NGLY1: variants seen among roughly 807,000 people sequenced by gnomAD.
The protein encoded by NGLY1 is N-glycanase 1, also known as peptide-N(4)-(N-acetyl-beta-glucosaminyl)asparagine amidase.
NGLY1 carries 68 observed loss-of-function variants against 84.6 expected under a neutral mutation model. The observed-to-expected ratio is 0.80, with a 90% confidence interval of 0.66 to 0.98. The LOEUF is 0.98. Ranked by LOEUF, NGLY1 falls within the 50% of genes least tolerant of loss-of-function variation. The pLI, the probability that NGLY1 is intolerant of heterozygous loss-of-function variation, is 0.00. For missense variants in NGLY1, 779 were observed against 770.2 expected (o/e 1.01, Z -0.14); for synonymous variants, 280 against 275.2 (o/e 1.02, Z -0.17).
intron 2 of NGLY1, among the ~76,000 whole-genome samples, chr3:25,767,031 C>T (rs914480501): frequency 8.5e-5 from 13 of 152,198 alleles, no homozygotes; most frequent in African/African-American, 3.1e-4. Flanking sequence ...CAGTGGCTCA[C>T]GCCTGTAATC....
intron 2 of NGLY1, among the ~76,000 whole-genome samples, chr3:25,774,780 TGTATCTGCA>T (rs1479609260): frequency 2.0e-5 from 3 of 152,030 alleles, no homozygotes; most frequent in African/African-American, 4.8e-5. Flanking sequence ...CTTCTGTGCT[TGTATCTGCA>T]GTATCTGCAT....
intron 2 of NGLY1, among the ~76,000 whole-genome samples, chr3:25,775,200 C>G (rs888181362): frequency 1.3e-5 from 2 of 152,184 alleles, no homozygotes; most frequent in Admixed American, 1.3e-4. Flanking sequence ...GTATGTTCCT[C>G]TAGTATTTCT....
intron 2 of NGLY1, among the ~76,000 whole-genome samples, chr3:25,775,118 CCT>C (rs1708094602): frequency 1.3e-5 from 2 of 152,246 alleles, no homozygotes; most frequent in South Asian, 4.1e-4. Flanking sequence ...CACAGGTTTT[CCT>C]CTGTCTCATG....
intron 4 of NGLY1, among the ~76,000 whole-genome samples, chr3:25,741,137 A>G (rs1706118864): frequency 6.9e-6 from 1 of 144,906 alleles, no homozygotes; most frequent in South Asian, 2.1e-4. Context: ...CATTAAAAAA[A>G]AAAAAAAAAA....
At chr3:25,741,872 G>A (rs1226106108) in intron 4 of NGLY1, among the ~76,000 whole-genome samples, 1 of 151,958 alleles carries the variant, frequency 6.6e-6, no homozygotes, top group East Asian at 1.9e-4. Flanking sequence ...GTGGTGGCAG[G>A]TACCTGTAAT....
chr3:25,783,486 AGGG>A, upstream of NGLY1: 1 of 1,173,438 alleles, frequency 8.5e-7, no homozygotes. The surrounding 1 kb of genome is among the most constrained non-coding windows in gnomAD (Gnocchi z 4.5). Context: ...AGCCACCGGC[AGGG>A]GCGGGGTCCT....
chr3:25,752,467 G>A (rs915776376), intron 3 of NGLY1, among the ~76,000 whole-genome samples: 17 of 151,874 alleles, frequency 1.1e-4, no homozygotes, highest in Non-Finnish European at 2.1e-4. Flanking sequence ...TGATCCGCCC[G>A]CCTCAGCCTC....
At chr3:25,724,762 T>C (rs1238596154) in intron 10 of NGLY1, among the ~76,000 whole-genome samples, 1 of 152,154 alleles carries the variant, frequency 6.6e-6, no homozygotes, top group Non-Finnish European at 1.5e-5. Context: ...TCCCCTTCCA[T>C]ATCCTGTCCT....
chr3:25,760,394 T>C (rs1477254595), intron 3 of NGLY1, among the ~76,000 whole-genome samples: 2 of 152,208 alleles, frequency 1.3e-5, no homozygotes, highest in African/African-American at 4.8e-5. Flanking sequence ...ATGTTATTCA[T>C]GTCAAAACAG....
At chr3:25,729,044 T>C in intron 10 of NGLY1, 89 bp downstream of exon 10, 1 of 919,022 alleles carries the variant, frequency 1.1e-6, no homozygotes, top group Non-Finnish European at 1.5e-6. Flanking sequence ...TATATCAGTT[T>C]TCATATTTTA....
At chr3:25,734,763 G>T in intron 7 of NGLY1, 3 of 917,732 alleles carry the variant, frequency 3.3e-6, no homozygotes, top group Non-Finnish European at 3.9e-6. Flanking sequence ...ATAAACGGAA[G>T]AGAATACGTC....
chr3:25,719,643 A>AG lies in NGLY1; in HGVS notation c.1790-9dup. 6.3e-7 allele frequency: 1 copy of AG among 1,596,696 alleles called. No homozygotes were observed. Among genetic ancestry groups the AG allele is most frequent in the Non-Finnish European group, 8.5e-7 (1 of 1,171,636 alleles). ...AGGAGTGAAGACTGTTATCTGTTAG[A>AG]GGGAAAAAAAAAATTAACATTTTGC... is the stretch of plus-strand genomic sequence containing the variant. On this transcript the variant is annotated splice_polypyrimidine_tract_variant and intron_variant, in intron 11 of 11. Transcript: ENST00000280700.
chr3:25,719,531 G>C lies in NGLY1; in HGVS notation c.1894C>G (p.Leu632Val), dbSNP rs1308701388. ...TGGTCATTTAAGCTTTGTCTAAACA[G>C]CTGGGTGTGTTGCCAAGCGACATCA... is the stretch of plus-strand genomic sequence containing the variant. ...DGDVAWQHTQ[L>V]FRQSLNDHEE... The change falls in exon 12 of 12, where the codon CTG becomes GTG. Residue 632 changes from leucine (L) to valine (V), a missense_variant. Transcript: ENST00000280700. 1 of 1,613,870 alleles carries C rather than the reference G, an allele frequency of 6.2e-7. No homozygotes were observed. Among genetic ancestry groups the C allele is most frequent in the African/African-American group, 1.3e-5 (1 of 74,902 alleles).
intron 9 of NGLY1, 152 bp downstream of exon 9, chr3:25,732,167 T>C: frequency 1.7e-6 from 1 of 591,088 alleles, no homozygotes. Flanking sequence ...GTAAATCAAT[T>C]ACTGGTTCTC....
rs146808267 is a variant in NGLY1 at position 25,776,793 on chromosome 3, A to G, written c.246+1781T>C. Reference sequence around the variant, plus strand: ...AGTAAGTCCTGTTGATTCTGTCACAAAAAGAAATCCTGGATCCATCTACTT... The same window carrying G: ...AGTAAGTCCTGTTGATTCTGTCACAGAAAGAAATCCTGGATCCATCTACTT... On this transcript the variant is annotated intron_variant, in intron 2 of 11. Coordinates refer to ENST00000280700, the MANE Select transcript of NGLY1 (RefSeq NM_018297.4). 3.0e-4 allele frequency among the ~76,000 whole-genome samples: 46 copies of G among 152,302 alleles called. No homozygotes were observed. The East Asian group carries it at 7.3e-3, about 24-fold the overall frequency.
rs112654249 is a variant in NGLY1, at chr3:25,747,407, C to A, written c.658+3691G>T. On this transcript the variant is annotated intron_variant, in intron 4 of 11. Transcript: ENST00000280700. ...GAACAACTGTCTTAAGGTTAGCAGG[C>A]CTGTAGCAGAAGTAAATCTAAGGCC... 2.6e-5 allele frequency among the ~76,000 whole-genome samples: 4 copies of A among 152,176 alleles called. 1 individual carries two copies. Among genetic ancestry groups the A allele is most frequent in the African/African-American group, 7.2e-5 (3 of 41,514 alleles).
At chr3:25,778,329 G>C (rs1260599496) in intron 2 of NGLY1, 2 of 309,572 alleles carry the variant, frequency 6.5e-6, no homozygotes, top group Non-Finnish European at 1.2e-5. Context: ...TTGCATGTAT[G>C]ACCCTTATTT....
In NGLY1 at chr3:25,783,153, G is replaced by C; in HGVS notation, c.131+107C>G. On this transcript the variant is annotated intron_variant, in intron 1 of 11. Transcript: ENST00000280700. The surrounding 1 kb of genome is among the most constrained non-coding windows in gnomAD (Gnocchi z 4.5). ...CAGCTCCAGGTCCCGGTCTGTCCGG[G>C]CGTCGCTGCCCTCTGAAGCTCAGGC... 3 of 1,044,420 alleles carry C rather than the reference G, an allele frequency of 2.9e-6. No homozygotes were observed. Among genetic ancestry groups the C allele is most frequent in the Non-Finnish European group, 4.2e-6 (3 of 709,212 alleles). The allele number at this position is 1,044,420 out of a possible 1,614,324, so 64.7% of individuals were successfully genotyped here. A position where few individuals can be genotyped will look rare whatever the true frequency, so the allele number is the denominator to read the frequency against.
At chr3:25,774,278 A>C (rs1042902451) in intron 2 of NGLY1, among the ~76,000 whole-genome samples, 2 of 152,200 alleles carry the variant, frequency 1.3e-5, no homozygotes, top group African/African-American at 4.8e-5. Flanking sequence ...AGACAGCATC[A>C]GCTGCAGTAG....
Sources: gnomAD v4.1 joint callset for allele counts (sites outside exome capture counted in the v4.1 genomes callset) on GRCh38, gnomAD v4.1.1 for gene constraint, Gnocchi (gnomAD v3.1) non-coding constraint, MANE v1.5 for transcripts, NCBI Gene and HGNC (gene_info 2026-07-23, HGNC 2026-07-21) for gene names.